The following SHROOM3 variants were observed in gnomAD, a reference collection of about 807,000 sequenced individuals.
The protein encoded by SHROOM3 is shroom family member 3.
Under a neutral mutation model 138.6 loss-of-function variants are expected in SHROOM3, and 47 were observed. The observed-to-expected ratio is 0.34, with a 90% CI of 0.27 to 0.43. The LOEUF (loss-of-function observed/expected upper bound fraction) is 0.43. Among genes scored for constraint, SHROOM3 ranks in the 20% least tolerant of loss-of-function variants. The pLI, the probability that SHROOM3 is intolerant of heterozygous loss-of-function variation, is 1.00. For missense variants in SHROOM3, 2,491 were observed against 2,596.5 expected, an observed-to-expected ratio of 0.96 and a Z score of 0.88; for synonymous variants, 1,062 against 1,063.3, an observed-to-expected ratio of 1.00 and a Z score of 0.02.
intron 4 of SHROOM3, among the ~76,000 whole-genome samples, chr4:76,737,849 T>TCAACAA: frequency 6.6e-6 from 1 of 152,342 alleles, no homozygotes; most frequent in East Asian, 1.9e-4. Context: ...TTGTTGAGTT[T>TCAACAA]TAAGTGATTT....
intron 2 of SHROOM3, among the ~76,000 whole-genome samples, chr4:76,673,791 T>A (rs1718952182): frequency 6.6e-6 from 1 of 152,246 alleles, no homozygotes; most frequent in African/African-American, 2.4e-5. Flanking sequence ...TCTCCTGAAC[T>A]TTTTCATCTT....
chr4:76,593,373 A>G (rs922801215), intron 2 of SHROOM3, among the ~76,000 whole-genome samples: 2 of 152,190 alleles, frequency 1.3e-5, no homozygotes, highest in African/African-American at 4.8e-5. Context: ...TCATGTAATT[A>G]ATGACCCAGA....
intron 1 of SHROOM3, among the ~76,000 whole-genome samples, chr4:76,526,782 G>GA (rs201264332): frequency 0.016 from 2,384 of 152,314 alleles, 31 homozygotes; most frequent in Non-Finnish European, 0.027. Context: ...GTATGCAAGA[G>GA]AGAGAGCCTG....
At position 76,759,612 on chromosome 4, in the gene SHROOM3, A is replaced by G; in HGVS notation, c.5266A>G (p.Lys1756Glu). The G allele has an allele frequency of 6.2e-7, 1 of 1,614,204 alleles. No homozygotes were observed. The highest frequency in any genetic ancestry group is 8.5e-7 in the Non-Finnish European group (1 of 1,180,034). The stretch of plus-strand genomic sequence containing the variant: ...TGCCTACTACAGTGTGTCTGCTCCC[A>G]AGGCTGAGCTACTGAACAAAATCAA... Reference protein sequence around the residue: ...CPAYYSVSAPKAELLNKIKEM... With the variant: ...CPAYYSVSAPEAELLNKIKEM... The change falls in exon 9 of 11, where the codon AAG becomes GAG. Residue 1756 changes from lysine (K) to glutamate (E), a missense_variant. By Grantham distance (56) the Lys-to-Glu change is moderately conservative. This residue lies in a region of SHROOM3 where 470 missense variants were observed against 595.0 expected (regional missense o/e 0.79). Coordinates refer to ENST00000296043, the MANE Select transcript of SHROOM3 (RefSeq NM_020859.4).
intron 2 of SHROOM3, among the ~76,000 whole-genome samples, chr4:76,605,990 C>CACATATATATATAT (rs1553927820): frequency 1.2e-5 from 1 of 84,714 alleles, no homozygotes; most frequent in African/African-American, 5.6e-5. Context: ...CACACACACA[C>CACATATATATATAT]ATATATATAT....
chr4:76,502,306 A>G (rs1732114441), intron 1 of SHROOM3, among the ~76,000 whole-genome samples: 1 of 152,224 alleles, frequency 6.6e-6, no homozygotes, highest in Admixed American at 6.5e-5. Context: ...AAAATGCACT[A>G]AGACACCTGA....
intron 1 of SHROOM3, among the ~76,000 whole-genome samples, chr4:76,444,484 CTTTTTTTTTTT>C (rs61655085): frequency 1.7e-5 from 1 of 60,150 alleles, no homozygotes; most frequent in East Asian, 5.3e-4. Flanking sequence ...CTCTTTCTTT[CTTTTTTTTTTT>C]TTTTTTTTTT....
chr4:76,445,500 T>C (rs1168504335), intron 1 of SHROOM3, among the ~76,000 whole-genome samples: 1 of 152,112 alleles, frequency 6.6e-6, no homozygotes, highest in African/African-American at 2.4e-5. Context: ...CAAGACCTAA[T>C]AAGAAATAAG....
At chr4:76,507,395 C>G (rs1732233918) in intron 1 of SHROOM3, among the ~76,000 whole-genome samples, 1 of 152,162 alleles carries the variant, frequency 6.6e-6, no homozygotes, top group South Asian at 2.1e-4. Flanking sequence ...TCTACATCTT[C>G]ACCAATACTT....
chr4:76,660,558 C>T (rs1185049503), intron 2 of SHROOM3, among the ~76,000 whole-genome samples: 2 of 152,098 alleles, frequency 1.3e-5, no homozygotes, highest in Admixed American at 6.5e-5. Context: ...TCACTGCAAC[C>T]TCCGCCTCCC....
chr4:76,746,678 G>C (rs1317095181), intron 5 of SHROOM3, among the ~76,000 whole-genome samples: 1 of 152,014 alleles, frequency 6.6e-6, no homozygotes, highest in Admixed American at 6.6e-5. Flanking sequence ...ATATTCTAAA[G>C]TAGGTGAATA....
chr4:76,711,092 A>G (rs2110117904), intron 3 of SHROOM3, among the ~76,000 whole-genome samples: 1 of 152,312 alleles, frequency 6.6e-6, no homozygotes, highest in African/African-American at 2.4e-5. Flanking sequence ...TATCCTCATC[A>G]TTCTCATCAT....
intron 1 of SHROOM3, among the ~76,000 whole-genome samples, chr4:76,544,675 G>C (rs1733174995): frequency 1.3e-5 from 2 of 152,144 alleles, no homozygotes; most frequent in Admixed American, 6.5e-5. Context: ...GGGATTACAG[G>C]CGTGAGCCAC....
In SHROOM3 at chr4:76,469,520, A is replaced by G. The variant is rs559769345; in HGVS notation, c.168+33300A>G. 2.6e-5 allele frequency among the ~76,000 whole-genome samples: 4 copies of G among 151,880 alleles called. No individual in the cohort carries two copies. The East Asian group carries it at 5.8e-4, about 22-fold the overall frequency. On this transcript the variant is annotated intron_variant, in intron 1 of 10. Coordinates refer to ENST00000296043, the MANE Select transcript of SHROOM3 (RefSeq NM_020859.4). ...TGTGCAGGCTGGAGTACAGTGGCGC[A>G]ATCTCAGCTCACTGCAACCTCTGCC... is the stretch of plus-strand genomic sequence containing the variant.
chr4:76,770,073 A>G (rs1257285284), intron 9 of SHROOM3, among the ~76,000 whole-genome samples: 1 of 152,194 alleles, frequency 6.6e-6, no homozygotes. Context: ...CTATAATCCC[A>G]GCACTTTGAG....
At chr4:76,498,793 T>C (rs761811538) in intron 1 of SHROOM3, among the ~76,000 whole-genome samples, 3 of 152,134 alleles carry the variant, frequency 2.0e-5, no homozygotes, top group Non-Finnish European at 4.4e-5. Context: ...GTCTGGCTCT[T>C]TTCCTTTGTG....
chr4:76,546,945 T>C (rs1020397327), intron 1 of SHROOM3, among the ~76,000 whole-genome samples: 3 of 152,242 alleles, frequency 2.0e-5, no homozygotes, highest in African/African-American at 7.2e-5. Context: ...CGGATGAGTT[T>C]AATGTTAATT....
chr4:76,679,325 G>A (rs996808912), intron 2 of SHROOM3, among the ~76,000 whole-genome samples: 20 of 152,252 alleles, frequency 1.3e-4, no homozygotes, highest in African/African-American at 4.8e-4. Context: ...TCTTGGCCTA[G>A]TCTTTCATCC....
At chr4:76,677,331 G>A (rs1287154527) in intron 2 of SHROOM3, among the ~76,000 whole-genome samples, 1 of 152,132 alleles carries the variant, frequency 6.6e-6, no homozygotes, top group Non-Finnish European at 1.5e-5. Flanking sequence ...AGAAAAGCAC[G>A]GGCTTTGGGG....
Sources: allele counts gnomAD v4.1 joint callset (sites outside exome capture counted in the v4.1 genomes callset), GRCh38; gene constraint gnomAD v4.1.1; regional missense constraint gnomAD v4.1.1; transcripts MANE v1.5; gene names NCBI Gene and HGNC (gene_info 2026-07-23, HGNC 2026-07-21).